PANK1: variants seen among roughly 807,000 people sequenced by gnomAD.
PANK1 encodes pantothenic acid kinase 1.
A neutral mutation model predicts 40.1 loss-of-function variants in PANK1; 18 were observed. The ratio of observed to expected loss-of-function variants is 0.45; its 90% CI spans 0.31 to 0.67. The LOEUF (loss-of-function observed/expected upper bound fraction) is 0.67. Ranked by LOEUF, PANK1 falls within the 30% of genes least tolerant of loss-of-function variation. The pLI is 0.06. For synonymous variants in PANK1, 242 were observed against 237.7 expected, an observed-to-expected ratio of 1.02 and a Z score of -0.17; for missense variants, 457 against 599.6, an observed-to-expected ratio of 0.76 and a Z score of 2.48.
chr10:89,641,731 CAAAATAAATAAA>C (rs1336292960), intron 1 of PANK1, among the ~76,000 whole-genome samples: 1 of 130,410 alleles, frequency 7.7e-6, no homozygotes, highest in Non-Finnish European at 1.6e-5. Context: ...GAATCCGTCT[CAAAATAAATAAA>C]TAAATAAATA....
Position 89,644,786 on chromosome 10 carries a change from G to A in PANK1, c.106C>T (p.His36Tyr). 2.0e-6 allele frequency: 3 copies of A among 1,494,238 alleles called. No individual in the cohort carries two copies. The highest frequency in any genetic ancestry group is 2.7e-6 in the Non-Finnish European group (3 of 1,129,126). 92.6% of individuals were successfully genotyped at this position (1,494,238 alleles called of 1,614,324 possible). Residue 36 changes from histidine to tyrosine, a missense_variant, in exon 1 of 7, where the codon CAT becomes TAT. Coordinates refer to ENST00000307534, the MANE Select transcript of PANK1 (RefSeq NM_148977.3). ...AVNGLLHNGF[H>Y]PPPVQPPHVC... is the part of the protein sequence containing the mutation. Reference sequence around the variant, plus strand: ...TGCGGCGGCTGGACTGGCGGCGGATGGAAGCCGTTGTGCAGCAGCCCGTTC... The same window carrying A: ...TGCGGCGGCTGGACTGGCGGCGGATAGAAGCCGTTGTGCAGCAGCCCGTTC...
chr10:89,609,954 G>T (rs983409270), intron 2 of PANK1, among the ~76,000 whole-genome samples: 4 of 152,136 alleles, frequency 2.6e-5, no homozygotes, highest in African/African-American at 9.7e-5. Context: ...TTCACTTCAG[G>T]CTCTCCAGTG....
At chr10:89,639,373 T>C (rs1421529446) in intron 1 of PANK1, 3 of 281,784 alleles carry the variant, frequency 1.1e-5, no homozygotes, top group African/African-American at 4.3e-5. Flanking sequence ...CACTGTTGCA[T>C]TGGAGATTAC....
At chr10:89,595,740 T>A (rs1844546726) in intron 3 of PANK1, among the ~76,000 whole-genome samples, 1 of 135,220 alleles carries the variant, frequency 7.4e-6, no homozygotes, top group South Asian at 2.5e-4. Flanking sequence ...GGATTACTTG[T>A]ACCCTGGTGG....
At chr10:89,633,618 C>A (rs544478085) in intron 1 of PANK1, among the ~76,000 whole-genome samples, 1 of 152,020 alleles carries the variant, frequency 6.6e-6, no homozygotes, top group Admixed American at 6.6e-5. Flanking sequence ...GACTCACACA[C>A]AGGGTTTAGT....
intron 3 of PANK1, among the ~76,000 whole-genome samples, chr10:89,596,477 G>T (rs1380304886): frequency 1.3e-5 from 2 of 152,220 alleles, no homozygotes; most frequent in African/African-American, 4.8e-5. Context: ...ATGAGGTAAA[G>T]CGAGCATGCA....
At chr10:89,625,405 T>G (rs548707459) in intron 1 of PANK1, among the ~76,000 whole-genome samples, 1 of 152,348 alleles carries the variant, frequency 6.6e-6, no homozygotes, top group Non-Finnish European at 1.5e-5. Flanking sequence ...GATTTTCAAA[T>G]TTTAAATGCA....
At chr10:89,579,798 T>A (rs1283470317), downstream of PANK1, 1 of 152,260 alleles carries the variant, frequency 6.6e-6, no homozygotes, top group Non-Finnish European at 1.5e-5. Flanking sequence ...TTGGTTTATA[T>A]GCTTCAAGTT....
chr10:89,630,869 C>T (rs985196917), intron 1 of PANK1, among the ~76,000 whole-genome samples: 1 of 152,182 alleles, frequency 6.6e-6, no homozygotes, highest in Non-Finnish European at 1.5e-5. Context: ...TTTGGACCCT[C>T]TAAAAGTTAC....
At chr10:89,643,404 C>T (rs1842020976) in intron 1 of PANK1, among the ~76,000 whole-genome samples, 1 of 152,180 alleles carries the variant, frequency 6.6e-6, no homozygotes, top group Non-Finnish European at 1.5e-5. Flanking sequence ...TGCTGTTTGG[C>T]TTTAAAGTTC....
intron 1 of PANK1, among the ~76,000 whole-genome samples, chr10:89,629,646 T>C (rs1326110874): frequency 6.6e-6 from 1 of 152,220 alleles, no homozygotes; most frequent in Admixed American, 6.5e-5. Flanking sequence ...AGTTAATTAA[T>C]GAGAACAGTG....
At position 89,611,972 on chromosome 10, in the gene PANK1, G is replaced by A. The variant is rs762159863; in HGVS notation, c.369C>T (p.Ala123=). The A allele has an allele frequency of 1.4e-5, 23 of 1,613,890 alleles. No individual in the cohort carries two copies. The highest frequency in any genetic ancestry group is 1.6e-4 in the Middle Eastern group (1 of 6,084). ...TCTCCACTTCCTCTTGCTCCTCTTCGGCTGTAATATCCTTCGGCTCGAAAT... is the reference window on the plus strand; with the variant it reads ...TCTCCACTTCCTCTTGCTCCTCTTCAGCTGTAATATCCTTCGGCTCGAAAT... ...LVYFEPKDIT[A]EEEQEEVENL... The change falls in exon 2 of 7, where the codon GCC becomes GCT. Residue 123 remains alanine, a synonymous_variant. Coordinates refer to ENST00000307534, the MANE Select transcript of PANK1 (RefSeq NM_148977.3).
At chr10:89,582,830 C>G (rs1037466702), downstream of PANK1, 1 of 152,096 alleles carries the variant, frequency 6.6e-6, no homozygotes, top group African/African-American at 2.4e-5. Flanking sequence ...TACAGCTTCA[C>G]CTGAAGACAG....
chr10:89,603,832 T>C (rs1032123797), intron 2 of PANK1, among the ~76,000 whole-genome samples: 4 of 152,046 alleles, frequency 2.6e-5, no homozygotes, highest in African/African-American at 9.7e-5. Context: ...CATCTATGAG[T>C]GGTCAAAGTC....
At chr10:89,625,038 A>G (rs994702660) in intron 1 of PANK1, among the ~76,000 whole-genome samples, 5 of 152,160 alleles carry the variant, frequency 3.3e-5, no homozygotes, top group African/African-American at 4.8e-5. Context: ...AGCTAGGACT[A>G]TAAGTGTGCA....
intron 1 of PANK1, among the ~76,000 whole-genome samples, chr10:89,627,503 G>T (rs902324716): frequency 6.6e-6 from 1 of 152,174 alleles, no homozygotes; most frequent in African/African-American, 2.4e-5. Flanking sequence ...AATCGTACAG[G>T]CTTATTCATT....
At chr10:89,618,962 G>C (rs925270030) in intron 1 of PANK1, among the ~76,000 whole-genome samples, 2 of 152,200 alleles carry the variant, frequency 1.3e-5, no homozygotes, top group Non-Finnish European at 2.9e-5. Context: ...GAATAACCTT[G>C]CCTATGCTGA....
Position 89,645,194 on chromosome 10 carries a change from G to T in PANK1, c.-303C>A, listed in dbSNP as rs765639938. 1.3e-6 allele frequency: 2 copies of T among 1,589,134 alleles called. No individual in the cohort carries two copies. The highest frequency in any genetic ancestry group is 1.7e-6 in the Non-Finnish European group (2 of 1,169,558). ...GGGCTCCCGCCGCCCGCCTTCCCCT[G>T]ATCCCCAGGCCGCGCGACTTCAAAC... is the stretch of plus-strand genomic sequence containing the variant. On this transcript the variant is annotated 5_prime_UTR_variant, in exon 1 of 7. Transcript: ENST00000307534.
intron 2 of PANK1, among the ~76,000 whole-genome samples, chr10:89,605,305 T>C (rs1341037438): frequency 6.6e-6 from 1 of 152,222 alleles, no homozygotes; most frequent in East Asian, 1.9e-4. Flanking sequence ...AAAAGATTTC[T>C]CCACAGCATG....
Sources: gnomAD v4.1 joint callset for allele counts (sites outside exome capture counted in the v4.1 genomes callset) on GRCh38, gnomAD v4.1.1 for gene constraint, MANE v1.5 for transcripts, NCBI Gene and HGNC (gene_info 2026-07-23, HGNC 2026-07-21) for gene names.